COMMD9: variants seen among roughly 807,000 people sequenced by gnomAD.
COMMD9 encodes the protein COMM domain-containing protein 9.
COMMD9 carries 22 observed loss-of-function variants against 23.4 expected under a neutral mutation model. That is an observed-to-expected ratio of 0.94 (90% CI 0.67 to 1.34). The LOEUF (loss-of-function observed/expected upper bound fraction) is 1.34, where lower values mean the gene tolerates loss of function less well. COMMD9 is among the 40% of genes most tolerant of loss of function. The pLI is 0.00. For synonymous variants in COMMD9, 99 were observed against 97.4 expected, an observed-to-expected ratio of 1.02 and a Z score of -0.10; for missense variants, 231 against 240.2, an observed-to-expected ratio of 0.96 and a Z score of 0.25.
Position 36,276,248 on chromosome 11 carries a change from AG to A in COMMD9, c.353-9del. On this transcript the variant is annotated splice_polypyrimidine_tract_variant and intron_variant, in intron 4 of 5. Transcript: ENST00000263401. The stretch of plus-strand genomic sequence containing the variant: ...CCAGGCGTGGCAGAGAGACTGTGGA[AG>A]GAACAGCTCAGCTCAATGCTCATGC... 1 of 1,602,652 alleles carries A rather than the reference AG, an allele frequency of 6.2e-7. No individual in the cohort carries two copies. The highest frequency in any genetic ancestry group is 8.6e-7 in the Non-Finnish European group (1 of 1,169,452).
Position 36,276,228 on chromosome 11 carries a change from C to T in COMMD9, c.365G>A (p.Arg122His), listed in dbSNP as rs374847668. The T allele has an allele frequency of 9.3e-6, 15 of 1,613,420 alleles. No individual in the cohort carries two copies. The highest frequency in any genetic ancestry group is 3.3e-5 in the South Asian group (3 of 91,066). The change falls in exon 5 of 6, where the codon CGC (arginine) becomes CAC (histidine). Residue 122 changes from arginine (R) to histidine (H), a missense_variant. Transcript: ENST00000263401. Reference protein sequence around the residue: ...EAQANQISLPRLVDLDWRVDI... With the variant: ...EAQANQISLPHLVDLDWRVDI... ...CACTCTCCAGTCCAGATCGACCAGGCGTGGCAGAGAGACTGTGGAAGGAAC... is the reference window on the plus strand; with the variant it reads ...CACTCTCCAGTCCAGATCGACCAGGTGTGGCAGAGAGACTGTGGAAGGAAC...
At chr11:36,285,518 C>T (rs997207130) in intron 1 of COMMD9, among the ~76,000 whole-genome samples, 4 of 152,144 alleles carry the variant, frequency 2.6e-5, no homozygotes, top group African/African-American at 7.2e-5. Context: ...AGCTACAAAG[C>T]TAGTATTACC....
chr11:36,276,311 G>A (rs2133424134), intron 4 of COMMD9, 71 bp from the exon 5 acceptor site: 8 of 1,082,894 alleles, frequency 7.4e-6, no homozygotes, highest in South Asian at 6.4e-5. Context: ...TACGACAGGC[G>A]GCTCTGAGGA....
intron 1 of COMMD9, among the ~76,000 whole-genome samples, chr11:36,285,009 G>C (rs914223276): frequency 6.6e-6 from 1 of 152,068 alleles, no homozygotes; most frequent in Admixed American, 6.5e-5. Flanking sequence ...GGAAGCAGTG[G>C]AAGTAACAAT....
At chr11:36,279,378 T>G (rs1480164497) in intron 2 of COMMD9, among the ~76,000 whole-genome samples, 1 of 152,148 alleles carries the variant, frequency 6.6e-6, no homozygotes, top group Non-Finnish European at 1.5e-5. Flanking sequence ...GTGAATAGAG[T>G]AATACTTAGC....
At chr11:36,280,252 G>A (rs1044455038) in intron 2 of COMMD9, among the ~76,000 whole-genome samples, 13 of 152,240 alleles carry the variant, frequency 8.5e-5, no homozygotes, top group African/African-American at 3.1e-4. Context: ...GCTACCTGCT[G>A]AGATCAGGTG....
intron 2 of COMMD9, 83 bp from the exon 3 acceptor site, chr11:36,278,699 C>T: frequency 2.9e-6 from 4 of 1,397,876 alleles, no homozygotes; most frequent in Middle Eastern, 2.1e-4. Context: ...CAGGGCTCTA[C>T]ACCCCGAAGG....
chr11:36,276,173 G>A lies in COMMD9; in HGVS notation c.420C>T (p.Ser140=). The stretch of plus-strand genomic sequence containing the variant: ...GCAGGCAGGTGGGGACGGCCATGCG[G>A]CTGATGCTGTCTGAGGAGGTTTTGA... ...VDIKTSSDSI[S]RMAVPTCLLQ... Residue 140 remains serine, a synonymous_variant, in exon 5 of 6, where the codon AGC becomes AGT. Transcript: ENST00000263401. 6.2e-7 allele frequency: 1 copy of A among 1,614,128 alleles called. No homozygotes were observed. Among genetic ancestry groups the A allele is most frequent in the Non-Finnish European group, 8.5e-7 (1 of 1,179,972 alleles).
intron 2 of COMMD9, 111 bp from the exon 3 acceptor site, chr11:36,278,727 C>T: frequency 9.5e-7 from 1 of 1,049,846 alleles, no homozygotes; most frequent in Non-Finnish European, 1.3e-6. Context: ...CTGCTATGGT[C>T]ATTCAACTGA....
chr11:36,272,793 G>A lies in COMMD9; in HGVS notation c.*1839C>T, dbSNP rs1335431052. On this transcript the variant is annotated 3_prime_UTR_variant, in exon 6 of 6. Transcript: ENST00000263401. ...AATGGCGCTAGTCACAGAATTATAT[G>A]TTCCTTGCAAAGTCCTGTGTTGTAA... 2 of 152,134 alleles carry A rather than the reference G, an allele frequency of 1.3e-5. No individual in the cohort carries two copies. Among genetic ancestry groups the A allele is most frequent in the Admixed American group, 6.5e-5 (1 of 15,288 alleles). 9.4% of individuals were successfully genotyped at this position (152,134 alleles called of 1,614,324 possible).
intron 4 of COMMD9, 37 bp from the exon 5 acceptor site, chr11:36,276,277 C>A (rs1855971794): frequency 2.8e-6 from 4 of 1,432,002 alleles, no homozygotes; most frequent in African/African-American, 2.8e-5. Context: ...GCTCATGCCG[C>A]CCGTGTTTAC....
In COMMD9 at chr11:36,281,151, A is replaced by G. The variant is rs541167846; in HGVS notation, c.52-314T>C. ...TCCCTGGATTTTTTTTGCTTCATAT[A>G]TCCCAGACTTTCAGCTGAAGAAGAG... On this transcript the variant is annotated intron_variant, in intron 1 of 5. Coordinates refer to ENST00000263401, the MANE Select transcript of COMMD9 (RefSeq NM_014186.4). 2.2e-3 allele frequency among the ~76,000 whole-genome samples: 333 copies of G among 152,260 alleles called. 3 individuals are homozygous for G. Among genetic ancestry groups the G allele is most frequent in the Non-Finnish European group, 3.4e-3 (232 of 68,020 alleles).
At chr11:36,281,779 G>A (rs1447755484) in intron 1 of COMMD9, among the ~76,000 whole-genome samples, 2 of 152,070 alleles carry the variant, frequency 1.3e-5, no homozygotes, top group Admixed American at 6.6e-5. Flanking sequence ...CCAAGAACCA[G>A]AAAGATCTCA....
At chr11:36,286,946 G>A (rs1225383816) in intron 1 of COMMD9, among the ~76,000 whole-genome samples, 1 of 151,950 alleles carries the variant, frequency 6.6e-6, no homozygotes, top group Non-Finnish European at 1.5e-5. Flanking sequence ...TTTGTATTTT[G>A]ACTGTCAATA....
intron 1 of COMMD9, 33 bp downstream of exon 1, chr11:36,289,319 AGACAAAGGGC>A: frequency 6.5e-7 from 1 of 1,540,164 alleles, no homozygotes; most frequent in Non-Finnish European, 8.8e-7. Flanking sequence ...AAAGTCTCGG[AGACAAAGGGC>A]CACCTCACGC....
At chr11:36,281,463 G>C (rs1413644254) in intron 1 of COMMD9, among the ~76,000 whole-genome samples, 1 of 152,182 alleles carries the variant, frequency 6.6e-6, no homozygotes, top group Non-Finnish European at 1.5e-5. Flanking sequence ...CAAGTAGGAA[G>C]CTGGGACCTT....
chr11:36,288,834 G>T (rs771450249), intron 1 of COMMD9, among the ~76,000 whole-genome samples: 1 of 152,112 alleles, frequency 6.6e-6, no homozygotes, highest in Non-Finnish European at 1.5e-5. Context: ...GCTTTACAAA[G>T]CCCTATGAAG....
intron 5 of COMMD9, 55 bp from the exon 6 acceptor site, chr11:36,274,827 G>C: frequency 6.2e-7 from 1 of 1,604,190 alleles, no homozygotes; most frequent in Non-Finnish European, 8.5e-7. Flanking sequence ...CCATATCCCT[G>C]TAAGTGAGCC....
rs566358700 is a variant in COMMD9, at chr11:36,274,866, G to A, written c.457-94C>T. 9 of 1,473,964 alleles carry A rather than the reference G, an allele frequency of 6.1e-6. No individual in the cohort carries two copies. In the African/African-American group the frequency reaches 1.2e-4, roughly 20 times the overall value. The allele number at this position is 1,473,964 out of a possible 1,614,324, so 91.3% of individuals were successfully genotyped here. A position where few individuals can be genotyped will look rare whatever the true frequency, so the allele number is the denominator to read the frequency against. On this transcript the variant is annotated intron_variant, in intron 5 of 5. Coordinates refer to ENST00000263401, the MANE Select transcript of COMMD9 (RefSeq NM_014186.4). ...AACCTGCGAGGCTGAGCTCAGTTCT[G>A]CTGAACCTCTGAAGAGAGGCTCTTT...
Sources: gnomAD v4.1 joint callset for allele counts (sites outside exome capture counted in the v4.1 genomes callset) on GRCh38, gnomAD v4.1.1 for gene constraint, MANE v1.5 for transcripts, NCBI Gene and HGNC (gene_info 2026-07-23, HGNC 2026-07-21) for gene names.